EPHA3: variants seen among roughly 807,000 people sequenced by gnomAD.
The protein encoded by EPHA3 is EPH receptor A3.
In EPHA3, 42 loss-of-function variants were observed where a neutral mutation model predicts 107.1. That is an observed-to-expected ratio of 0.39 (90% CI 0.31 to 0.51). The LOEUF is 0.51. EPHA3 is among the 20% of genes least tolerant of loss of function. The probability of loss-of-function intolerance (pLI) is 0.78; values close to 1 mark genes in which losing one functional copy is unlikely to be tolerated. For synonymous variants in EPHA3, 461 were observed against 424.8 expected (o/e 1.09, Z -1.05); for missense variants, 1,183 against 1,211.2 (o/e 0.98, Z 0.35).
intron 16 of EPHA3, among the ~76,000 whole-genome samples, chr3:89,476,147 A>G (rs112335559): frequency 6.8e-6 from 1 of 147,362 alleles, no homozygotes; most frequent in Admixed American, 6.8e-5. Flanking sequence ...TATTATATAT[A>G]ATATATAATG....
At chr3:89,263,533 AG>A (rs1471322364) in intron 3 of EPHA3, among the ~76,000 whole-genome samples, 1 of 152,158 alleles carries the variant, frequency 6.6e-6, no homozygotes, top group Non-Finnish European at 1.5e-5. Flanking sequence ...GGAGCTGAAA[AG>A]GAGATGGGGC....
chr3:89,366,960 C>T (rs1304411861), intron 5 of EPHA3, among the ~76,000 whole-genome samples: 2 of 150,684 alleles, frequency 1.3e-5, no homozygotes, highest in African/African-American at 4.8e-5. Context: ...CACAAACTCT[C>T]TTCTATTTCT....
chr3:89,192,988 A>G (rs1223115837), intron 2 of EPHA3, among the ~76,000 whole-genome samples: 2 of 152,108 alleles, frequency 1.3e-5, no homozygotes, highest in Non-Finnish European at 2.9e-5. Flanking sequence ...CACACCTATT[A>G]TTAATACATA....
At chr3:89,413,342 A>T in intron 10 of EPHA3, 76 bp downstream of exon 10, 1 of 1,542,462 alleles carries the variant, frequency 6.5e-7, no homozygotes, top group Non-Finnish European at 8.9e-7. Context: ...ACCTAAGTAT[A>T]TTGCTAAAGA....
chr3:89,259,853 T>C (rs2107278342), intron 3 of EPHA3, among the ~76,000 whole-genome samples: 1 of 152,308 alleles, frequency 6.6e-6, no homozygotes, highest in Middle Eastern at 3.4e-3. Flanking sequence ...ATTCCACCCA[T>C]GAAAACTGCT....
chr3:89,316,147 T>G (rs1170386122), intron 3 of EPHA3, among the ~76,000 whole-genome samples: 1 of 151,792 alleles, frequency 6.6e-6, no homozygotes, highest in Non-Finnish European at 1.5e-5. Flanking sequence ...CTGTTTCAAA[T>G]ACTATAGCTG....
chr3:89,262,107 G>A (rs984116408), intron 3 of EPHA3, among the ~76,000 whole-genome samples: 6 of 151,840 alleles, frequency 4.0e-5, no homozygotes, highest in African/African-American at 1.5e-4. Context: ...CTATCAAAAG[G>A]AACTCTCGTA....
rs1708213828 is a variant in EPHA3 at position 89,367,841 on chromosome 3, G to A, written c.1306+25751G>A. Among the ~76,000 whole-genome samples, 4 of 150,786 alleles carry A rather than the reference G, an allele frequency of 2.7e-5. 1 individual carries two copies. The highest frequency in any genetic ancestry group is 4.2e-4 in the South Asian group (2 of 4,808). On this transcript the variant is annotated intron_variant, in intron 5 of 16. Transcript: ENST00000336596. ...AATTTTTCTCTAATTCTTCTCAGCT[G>A]GAAATAGTTGTCCTTTTATCACAAC...
At chr3:89,453,249 A>G (rs1710030207) in intron 15 of EPHA3, among the ~76,000 whole-genome samples, 1 of 152,040 alleles carries the variant, frequency 6.6e-6, no homozygotes, top group Non-Finnish European at 1.5e-5. Flanking sequence ...AAAAACATTC[A>G]AACCATTTTC....
intron 3 of EPHA3, among the ~76,000 whole-genome samples, chr3:89,233,004 A>T (rs1360100371): frequency 6.6e-6 from 1 of 152,166 alleles, no homozygotes; most frequent in African/African-American, 2.4e-5. Flanking sequence ...ATCCAAAAAT[A>T]GTCAAGTTGA....
chr3:89,458,992 C>T (rs1446654952), intron 15 of EPHA3, among the ~76,000 whole-genome samples: 4 of 152,048 alleles, frequency 2.6e-5, no homozygotes, highest in Middle Eastern at 6.3e-3. Flanking sequence ...AACGCATGGA[C>T]TCAGGGAGAG....
rs112154771 is a variant in EPHA3 at position 89,363,096 on chromosome 3, A to C, written c.1306+21006A>C. 4.6e-3 allele frequency among the ~76,000 whole-genome samples: 689 copies of C among 150,920 alleles called. 20 individuals carry two copies. The highest frequency in any genetic ancestry group is 0.017 in the Middle Eastern group (5 of 292). On this transcript the variant is annotated intron_variant, in intron 5 of 16. Transcript: ENST00000336596. Reference sequence around the variant, plus strand: ...ACATAGGTTTTGGTTTCATGCATAGATTTGCAAAGTCATTTTTCAATTATA... The same window carrying C: ...ACATAGGTTTTGGTTTCATGCATAGCTTTGCAAAGTCATTTTTCAATTATA...
At chr3:89,179,131 C>A (rs1327825104) in intron 2 of EPHA3, among the ~76,000 whole-genome samples, 3 of 151,842 alleles carry the variant, frequency 2.0e-5, no homozygotes, top group Non-Finnish European at 2.9e-5. Context: ...GTGTTTCTTG[C>A]AATGTTGAAT....
intron 11 of EPHA3, among the ~76,000 whole-genome samples, 176 bp downstream of exon 11, chr3:89,419,566 A>G (rs1473063824): frequency 6.6e-6 from 1 of 151,428 alleles, no homozygotes; most frequent in Non-Finnish European, 1.5e-5. Context: ...TTTAAATAAT[A>G]TTCTATTGAC....
chr3:89,388,665 C>A (rs1708669970), intron 5 of EPHA3, among the ~76,000 whole-genome samples: 1 of 152,076 alleles, frequency 6.6e-6, no homozygotes, highest in East Asian at 1.9e-4. Flanking sequence ...ATGTTGCAGT[C>A]TTGTGAGGAG....
chr3:89,314,483 C>T (rs1706850061), intron 3 of EPHA3, among the ~76,000 whole-genome samples: 2 of 151,482 alleles, frequency 1.3e-5, no homozygotes, highest in Admixed American at 6.6e-5. Context: ...TCCAAAGCAC[C>T]CTGATTATAA....
In EPHA3 at chr3:89,247,730, C is replaced by T. The variant is rs79995083; in HGVS notation, c.814+37210C>T. On this transcript the variant is annotated intron_variant, in intron 3 of 16. Coordinates refer to ENST00000336596, the MANE Select transcript of EPHA3 (RefSeq NM_005233.6). ...TTTTGTGGCCAAAGTCATTGTGGGA[C>T]ATCCAAGTATAATAATTCAGCAAAC... Among the ~76,000 whole-genome samples, 550 of 152,228 alleles carry T rather than the reference C, an allele frequency of 3.6e-3. 15 individuals are homozygous for T. In the East Asian group the frequency reaches 0.04, roughly 11 times the overall value.
intron 3 of EPHA3, among the ~76,000 whole-genome samples, chr3:89,266,159 C>G (rs892981023): frequency 2.6e-5 from 4 of 152,000 alleles, no homozygotes; most frequent in African/African-American, 9.7e-5. Context: ...AAGTATGAAC[C>G]CATTTAATAT....
chr3:89,419,170 T>A (rs1360422681), intron 10 of EPHA3, 35 bp from the exon 11 acceptor site: 2 of 1,529,258 alleles, frequency 1.3e-6, no homozygotes, highest in Non-Finnish European at 8.8e-7. Flanking sequence ...ATTATAGAAT[T>A]CCTTACATTT....
Sources: gnomAD v4.1 joint callset for allele counts (sites outside exome capture counted in the v4.1 genomes callset) on GRCh38, gnomAD v4.1.1 for gene constraint, MANE v1.5 for transcripts, NCBI Gene and HGNC (gene_info 2026-07-23, HGNC 2026-07-21) for gene names.